Variants in SMYD3 observed in about 807,000 individuals in gnomAD.
SMYD3 encodes the protein SET and MYND domain containing 3.
In SMYD3, 36 loss-of-function variants were observed where a neutral mutation model predicts 57.7. The observed-to-expected ratio is 0.62, with a 90% CI of 0.48 to 0.82. SMYD3 has a LOEUF of 0.82. Ranked by LOEUF, SMYD3 falls within the 40% of genes least tolerant of loss-of-function variation. The pLI, the probability that SMYD3 is intolerant of heterozygous loss-of-function variation, is 0.00. For missense variants in SMYD3, 515 were observed against 538.8 expected (o/e 0.96, Z 0.44); for synonymous variants, 211 against 195.0 (o/e 1.08, Z -0.68).
chr1:245,867,668 G>A (rs4022174), intron 8 of SMYD3, among the ~76,000 whole-genome samples: 135,457 of 148,928 alleles, frequency 0.91, 62,002 homozygotes, highest in East Asian at 0.97. Flanking sequence ...GCGTGCGCGC[G>A]CACACACACA....
At chr1:246,013,822 T>C (rs2059328558) in intron 5 of SMYD3, among the ~76,000 whole-genome samples, 1 of 152,178 alleles carries the variant, frequency 6.6e-6, no homozygotes, top group Non-Finnish European at 1.5e-5. Context: ...ACTGTCCCTG[T>C]CACATAGCAT....
intron 5 of SMYD3, among the ~76,000 whole-genome samples, chr1:246,226,113 C>A (rs2063326584): frequency 6.6e-6 from 1 of 152,174 alleles, no homozygotes; most frequent in Non-Finnish European, 1.5e-5. Flanking sequence ...AACTTCCACA[C>A]ACCTGCTCTA....
intron 5 of SMYD3, among the ~76,000 whole-genome samples, chr1:245,980,469 T>C (rs900577965): frequency 2.0e-5 from 3 of 152,200 alleles, no homozygotes; most frequent in Non-Finnish European, 4.4e-5. Context: ...CGTCTGTAGA[T>C]GTATTGCTCA....
intron 5 of SMYD3, among the ~76,000 whole-genome samples, chr1:246,101,377 C>T (rs899572780): frequency 1.6e-4 from 24 of 152,056 alleles, no homozygotes; most frequent in African/African-American, 5.6e-4. Context: ...CAGACTCGCC[C>T]GTTTATCTGC....
At chr1:246,269,168 A>C (rs1448424992) in intron 5 of SMYD3, among the ~76,000 whole-genome samples, 1 of 152,158 alleles carries the variant, frequency 6.6e-6, no homozygotes, top group East Asian at 1.9e-4. Context: ...AACTACATGA[A>C]GCCTCCCAGT....
At chr1:246,169,581 G>C (rs1408874462) in intron 5 of SMYD3, among the ~76,000 whole-genome samples, 1 of 152,008 alleles carries the variant, frequency 6.6e-6, no homozygotes, top group Non-Finnish European at 1.5e-5. Flanking sequence ...ACAATGGATA[G>C]CACTGGGAGT....
chr1:245,940,155 G>C (rs1368507977), intron 5 of SMYD3, among the ~76,000 whole-genome samples: 5 of 152,202 alleles, frequency 3.3e-5, no homozygotes, highest in Admixed American at 2.6e-4. Context: ...CAGCACTGGG[G>C]GGAGGGGCAG....
At chr1:246,137,723 G>A (rs748701999) in intron 5 of SMYD3, among the ~76,000 whole-genome samples, 1 of 152,180 alleles carries the variant, frequency 6.6e-6, no homozygotes, top group African/African-American at 2.4e-5. Flanking sequence ...AGTGAAACAA[G>A]TTCTGAGAAC....
At chr1:245,851,558 T>G (rs1209048233) in intron 10 of SMYD3, among the ~76,000 whole-genome samples, 1 of 152,172 alleles carries the variant, frequency 6.6e-6, no homozygotes, top group East Asian at 1.9e-4. Flanking sequence ...AGATGGAGGT[T>G]CCTACAGAGA....
chr1:246,102,332 C>A (rs76913802), intron 5 of SMYD3, among the ~76,000 whole-genome samples: 96 of 152,322 alleles, frequency 6.3e-4, no homozygotes, highest in African/African-American at 2.2e-3. Flanking sequence ...TGAACCACTG[C>A]ACCGTCTCTC....
intron 10 of SMYD3, among the ~76,000 whole-genome samples, chr1:245,809,681 C>T (rs1052299101): frequency 3.9e-5 from 6 of 152,216 alleles, no homozygotes; most frequent in South Asian, 2.1e-4. Flanking sequence ...CATCCTAGTG[C>T]GGGCACAATT....
intron 10 of SMYD3, among the ~76,000 whole-genome samples, chr1:245,816,503 C>G (rs532239893): frequency 1.4e-5 from 2 of 143,408 alleles, no homozygotes; most frequent in Non-Finnish European, 3.0e-5. Flanking sequence ...TATGAGAGGT[C>G]CCCTTCATCT....
At chr1:245,996,822 C>T (rs747897047) in intron 5 of SMYD3, among the ~76,000 whole-genome samples, 5 of 152,172 alleles carry the variant, frequency 3.3e-5, no homozygotes, top group South Asian at 4.1e-4. Context: ...GGGAGGGGAA[C>T]GTGGGGGAGG....
intron 1 of SMYD3, among the ~76,000 whole-genome samples, chr1:246,365,318 T>A (rs1286738165): frequency 6.7e-6 from 1 of 149,902 alleles, no homozygotes; most frequent in Non-Finnish European, 1.5e-5. Flanking sequence ...GAGCCCTCAT[T>A]TCTACAAAAA....
At chr1:246,236,174 C>T (rs2063509411) in intron 5 of SMYD3, among the ~76,000 whole-genome samples, 1 of 151,200 alleles carries the variant, frequency 6.6e-6, no homozygotes, top group Non-Finnish European at 1.5e-5. Context: ...ACATTTAATT[C>T]TTAATAAAGA....
intron 10 of SMYD3, among the ~76,000 whole-genome samples, chr1:245,771,671 C>G (rs2046344500): frequency 6.6e-6 from 1 of 152,110 alleles, no homozygotes; most frequent in Non-Finnish European, 1.5e-5. Flanking sequence ...GTGTCATATG[C>G]CAGGAGTAAA....
intron 5 of SMYD3, among the ~76,000 whole-genome samples, chr1:246,022,998 CTG>C (rs2059499784): frequency 6.6e-6 from 1 of 152,144 alleles, no homozygotes; most frequent in African/African-American, 2.4e-5. Flanking sequence ...ACTTGTTAGA[CTG>C]TACGATTTTT....
At chr1:245,905,919 G>T (rs1346100614) in intron 8 of SMYD3, among the ~76,000 whole-genome samples, 1 of 152,226 alleles carries the variant, frequency 6.6e-6, no homozygotes, top group East Asian at 1.9e-4. Context: ...AATAAATGAT[G>T]CTGGGAAAAC....
intron 5 of SMYD3, among the ~76,000 whole-genome samples, chr1:245,944,818 G>A (rs1043023472): frequency 9.9e-5 from 15 of 152,100 alleles, no homozygotes; most frequent in African/African-American, 3.6e-4. Flanking sequence ...ACAGAATAGA[G>A]AACTCAGAAA....
Sources: allele counts gnomAD v4.1 joint callset (sites outside exome capture counted in the v4.1 genomes callset), GRCh38; gene constraint gnomAD v4.1.1; transcripts MANE v1.5; gene names NCBI Gene and HGNC (gene_info 2026-07-23, HGNC 2026-07-21).